The following SYTL2 variants were observed in gnomAD, a reference collection of about 807,000 sequenced individuals.
The protein encoded by SYTL2 is synaptotagmin-like protein 2.
A neutral mutation model predicts 198.7 loss-of-function variants in SYTL2; 165 were observed. That is an observed-to-expected ratio of 0.83 (90% CI 0.73 to 0.94). The LOEUF (loss-of-function observed/expected upper bound fraction) is 0.94. Among genes scored for constraint, SYTL2 ranks in the 40% least tolerant of loss-of-function variants. The pLI is 0.00. For synonymous variants in SYTL2, 966 were observed against 917.7 expected (o/e 1.05, Z -0.95); for missense variants, 2,835 against 2,582.8 (o/e 1.10, Z -2.12).
chr11:85,708,055 C>A, intron 14 of SYTL2: 2 of 387,532 alleles, frequency 5.2e-6, no homozygotes, highest in Admixed American at 3.2e-5. Flanking sequence ...TCCAGCTAGT[C>A]AGGAGGCTGA....
intron 1 of SYTL2, among the ~76,000 whole-genome samples, chr11:85,763,609 A>C (rs2092156220): frequency 6.6e-6 from 1 of 152,146 alleles, no homozygotes; most frequent in Non-Finnish European, 1.5e-5. Flanking sequence ...AAGGAGTGTA[A>C]AACTTACATA....
At chr11:85,798,819 C>G (rs899647447) in intron 1 of SYTL2, among the ~76,000 whole-genome samples, 3 of 152,124 alleles carry the variant, frequency 2.0e-5, no homozygotes, top group Non-Finnish European at 4.4e-5. Context: ...ATGTAGGCAC[C>G]CCTTCCCTGG....
intron 12 of SYTL2, among the ~76,000 whole-genome samples, chr11:85,711,765 A>G (rs78809538): frequency 6.6e-6 from 1 of 151,942 alleles, no homozygotes; most frequent in South Asian, 2.1e-4. Context: ...ATATATATAT[A>G]TTTTTTAATG....
intron 1 of SYTL2, among the ~76,000 whole-genome samples, chr11:85,777,649 C>A (rs1331463882): frequency 2.7e-5 from 4 of 150,530 alleles, no homozygotes; most frequent in African/African-American, 9.8e-5. Context: ...ACCCACACCC[C>A]CTGCCAAAAA....
At position 85,726,471 on chromosome 11, in the gene SYTL2, A is replaced by G. The variant is rs765302257; in HGVS notation, c.2887T>C (p.Ser963Pro). 11 of 1,611,984 alleles carry G rather than the reference A, an allele frequency of 6.8e-6. No individual in the cohort carries two copies. Among genetic ancestry groups the G allele is most frequent in the Non-Finnish European group, 9.3e-6 (11 of 1,179,970 alleles). The change falls in exon 8 of 20, where the codon TCC (serine) becomes CCC (proline). Residue 963 changes from serine to proline, a missense_variant. Transcript: ENST00000359152. ...RESNANFKVMSLKERMDEPNA... is the reference protein window; with the variant it reads ...RESNANFKVMPLKERMDEPNA... ...GGTTCATCCATTCTTTCTTTTAGGGACATAACTTTAAAGTTGGCATTTGAT... is the reference window on the plus strand; with the variant it reads ...GGTTCATCCATTCTTTCTTTTAGGGGCATAACTTTAAAGTTGGCATTTGAT...
In SYTL2 at chr11:85,727,948, A is replaced by C. The variant is rs1200425281; in HGVS notation, c.1410T>G (p.Val470=). ...CTGGCACCTGAGATGGCTCAGGCTC[A>C]ACACAATGAGACAGTTCATCTGCAA... ...RSPADELSHC[V]EPEPSQVPGG... Residue 470 remains valine (V), a synonymous_variant, in exon 8 of 20, where the codon GTT becomes GTG. Transcript: ENST00000359152. 6 of 1,607,972 alleles carry C rather than the reference A, an allele frequency of 3.7e-6. No homozygotes were observed. The Admixed American group carries it at 5.1e-5, about 14-fold the overall frequency.
At chr11:85,714,219 C>A (rs902715238) in intron 12 of SYTL2, among the ~76,000 whole-genome samples, 194 bp downstream of exon 12, 2 of 152,220 alleles carry the variant, frequency 1.3e-5, no homozygotes, top group African/African-American at 2.4e-5. Context: ...AAAGGAGTTA[C>A]TGTTTGAGTC....
rs1466995942 is a variant in SYTL2, at chr11:85,793,077, C to T, written c.-390+17877G>A. 1.7e-4 allele frequency among the ~76,000 whole-genome samples: 26 copies of T among 151,886 alleles called. No homozygotes were observed. The East Asian group carries it at 2.5e-3, about 15-fold the overall frequency. On this transcript the variant is annotated intron_variant, in intron 1 of 19. Coordinates refer to ENST00000359152, the MANE Select transcript of SYTL2 (RefSeq NM_206927.4). ...AAGTCTTTGCTATCGTGAATAGTGC[C>T]GCAATAAACATACGTGTGCATGTGT...
chr11:85,776,065 A>T (rs899059368), intron 1 of SYTL2, among the ~76,000 whole-genome samples: 14 of 152,282 alleles, frequency 9.2e-5, no homozygotes, highest in African/African-American at 3.4e-4. Context: ...TCACTCTATT[A>T]GTTCCCTTGA....
At chr11:85,732,762 A>C (rs181426399) in intron 7 of SYTL2, among the ~76,000 whole-genome samples, 1 of 152,192 alleles carries the variant, frequency 6.6e-6, no homozygotes, top group African/African-American at 2.4e-5. Context: ...AATTTTTTTT[A>C]AAAAAGCAAA....
chr11:85,803,490 G>A (rs182586714), intron 1 of SYTL2, among the ~76,000 whole-genome samples: 136 of 152,300 alleles, frequency 8.9e-4, no homozygotes, highest in African/African-American at 3.1e-3. Flanking sequence ...GGAGCGCTGG[G>A]AGAACCCAGT....
intron 1 of SYTL2, among the ~76,000 whole-genome samples, chr11:85,794,774 C>G (rs181161023): frequency 6.6e-6 from 1 of 152,134 alleles, no homozygotes; most frequent in East Asian, 1.9e-4. Flanking sequence ...GTATTTCTTT[C>G]TGAAAAGAAA....
At chr11:85,764,871 A>T (rs1209651596) in intron 1 of SYTL2, among the ~76,000 whole-genome samples, 7 of 152,212 alleles carry the variant, frequency 4.6e-5, no homozygotes, top group Non-Finnish European at 7.3e-5. Flanking sequence ...AGAAACTATT[A>T]CTGAAAGAAC....
the SYTL2 span, among the ~76,000 whole-genome samples, chr11:85,826,882 T>G: frequency 6.6e-6 from 1 of 152,318 alleles, no homozygotes; most frequent in East Asian, 1.9e-4. Flanking sequence ...AGTGGGAAAG[T>G]GAAATTTCAG....
chr11:85,710,405 C>T (rs1232757372), intron 13 of SYTL2, among the ~76,000 whole-genome samples: 2 of 152,132 alleles, frequency 1.3e-5, no homozygotes, highest in Non-Finnish European at 2.9e-5. Context: ...GTTTCAGAAA[C>T]ACAAGGCTAG....
At chr11:85,741,982 G>C (rs1007176598) in intron 4 of SYTL2, among the ~76,000 whole-genome samples, 2 of 152,114 alleles carry the variant, frequency 1.3e-5, no homozygotes, top group African/African-American at 4.8e-5. Context: ...ATTTTCTTGC[G>C]ATTTTACAGG....
At chr11:85,777,988 T>C (rs1281600838) in intron 1 of SYTL2, among the ~76,000 whole-genome samples, 1 of 151,760 alleles carries the variant, frequency 6.6e-6, no homozygotes, top group African/African-American at 2.4e-5. Context: ...CAGGCTACTT[T>C]TTGTATTTTT....
upstream of SYTL2, among the ~76,000 whole-genome samples, chr11:85,815,545 CA>C (rs1372203332): frequency 6.6e-6 from 1 of 152,192 alleles, no homozygotes; most frequent in African/African-American, 2.4e-5. Flanking sequence ...TGAACTTCTA[CA>C]GCTCTTTGTA....
the SYTL2 span, among the ~76,000 whole-genome samples, chr11:85,826,950 A>T: frequency 6.6e-6 from 1 of 152,230 alleles, no homozygotes; most frequent in Non-Finnish European, 1.5e-5. Context: ...ACCTTTGCTC[A>T]CACCATAACC....
Sources: allele counts gnomAD v4.1 joint callset (sites outside exome capture counted in the v4.1 genomes callset), GRCh38; gene constraint gnomAD v4.1.1; transcripts MANE v1.5; gene names NCBI Gene and HGNC (gene_info 2026-07-23, HGNC 2026-07-21).